The following KIF27 variants were observed in gnomAD, a reference collection of about 807,000 sequenced individuals.
KIF27 encodes kinesin family member 27.
In KIF27, 84 loss-of-function variants were observed where a neutral mutation model predicts 141.8. The observed-to-expected ratio is 0.59, with a 90% CI of 0.50 to 0.71. KIF27 has a LOEUF of 0.71. Among genes scored for constraint, KIF27 ranks in the 30% least tolerant of loss-of-function variants. The probability of loss-of-function intolerance (pLI) is 0.00; values close to 1 mark genes in which losing one functional copy is unlikely to be tolerated. For synonymous variants in KIF27, 471 were observed against 569.5 expected (o/e 0.83, Z 2.46); for missense variants, 1,306 against 1,628.4 (o/e 0.80, Z 3.41).
Position 83,848,176 on chromosome 9 carries a change from A to G in KIF27, c.3556+1923T>C, listed in dbSNP as rs1394372629. Among the ~76,000 whole-genome samples the G allele has an allele frequency of 2.9e-5, 2 of 69,088 alleles. 1 individual carries two copies. The highest frequency in any genetic ancestry group is 1.5e-4 in the African/African-American group (2 of 13,234). The allele number at this position is 69,088 out of a possible 152,430, so 45.3% of individuals were successfully genotyped here. A position where few individuals can be genotyped will look rare whatever the true frequency, so the allele number is the denominator to read the frequency against. ...ATATCATATATGATATATCTGATAT[A>G]TCATATATGATATATATGATATATC... is the stretch of plus-strand genomic sequence containing the variant. On this transcript the variant is annotated intron_variant, in intron 16 of 17. Coordinates refer to ENST00000297814, the MANE Select transcript of KIF27 (RefSeq NM_017576.4).
rs554718760 is a variant in KIF27, at chr9:83,857,949, G to A, written c.3150+1207C>T. Among the ~76,000 whole-genome samples, 3 of 147,466 alleles carry A rather than the reference G, an allele frequency of 2.0e-5. No homozygotes were observed. In the South Asian group the frequency reaches 6.5e-4, roughly 32 times the overall value. On this transcript the variant is annotated intron_variant, in intron 14 of 17. Transcript: ENST00000297814. ...CAAATAGAGTATTAATTTCTCAAGGGAAACATAATACTTTGGGTTTTTTTT... is the reference window on the plus strand; with the variant it reads ...CAAATAGAGTATTAATTTCTCAAGGAAAACATAATACTTTGGGTTTTTTTT...
At chr9:83,888,816 CAAAA>C (rs35585822) in intron 7 of KIF27, among the ~76,000 whole-genome samples, 2 of 83,846 alleles carry the variant, frequency 2.4e-5, no homozygotes, top group African/African-American at 4.6e-5. Flanking sequence ...TAAGGAAATC[CAAAA>C]AAAAAAAAAA....
At chr9:83,856,106 T>C (rs1240972996) in intron 14 of KIF27, among the ~76,000 whole-genome samples, 3 of 152,160 alleles carry the variant, frequency 2.0e-5, no homozygotes, top group Admixed American at 6.5e-5. Flanking sequence ...TGCTTTATGA[T>C]AGAGCACTGC....
chr9:83,874,331 C>A (rs1358094096), intron 11 of KIF27, among the ~76,000 whole-genome samples: 1 of 152,152 alleles, frequency 6.6e-6, no homozygotes, highest in East Asian at 1.9e-4. Context: ...ATTCTCATAT[C>A]TTTTCTTCAA....
intron 15 of KIF27, 106 bp from the exon 16 acceptor site, chr9:83,850,403 G>A (rs1043467708): frequency 2.9e-6 from 2 of 695,162 alleles, no homozygotes; most frequent in Non-Finnish European, 4.9e-6. Flanking sequence ...TCTCCATAGT[G>A]TAAATGATTC....
intron 10 of KIF27, among the ~76,000 whole-genome samples, chr9:83,880,751 G>A (rs192301158): frequency 2.2e-4 from 33 of 152,294 alleles, no homozygotes; most frequent in Non-Finnish European, 4.1e-4. Context: ...AAATGAAACA[G>A]ATGATTTGCT....
At chr9:83,844,347 G>GATATCT (rs201626105) in intron 16 of KIF27, among the ~76,000 whole-genome samples, 169 of 149,876 alleles carry the variant, frequency 1.1e-3, no homozygotes, top group Admixed American at 2.7e-3. Context: ...TATTTATATA[G>GATATCT]ATATCTATAT....
chr9:83,855,338 T>C (rs530896166), intron 14 of KIF27, among the ~76,000 whole-genome samples: 29 of 152,246 alleles, frequency 1.9e-4, no homozygotes, highest in African/African-American at 5.3e-4. Context: ...GCCTGGCCAA[T>C]AGTGTGAATA....
Position 83,867,684 on chromosome 9 carries a change from C to G in KIF27, c.2934G>C (p.Gln978His). ...TCAAGTAGTGTATTAAACAGAATACCTGACTAGATCTCAATTTCTTATTTT... is the reference window on the plus strand; with the variant it reads ...TCAAGTAGTGTATTAAACAGAATACGTGACTAGATCTCAATTTCTTATTTT... ...HLENKKLRSS[Q>H]ALNTDSLKIS... Residue 978 changes from glutamine to histidine, a missense_variant and splice_region_variant, in exon 13 of 18, where the codon CAG becomes CAC. Gln to His is a conservative substitution (Grantham distance 24). This residue lies in a region of KIF27 where 596 missense variants were observed against 751.6 expected (regional missense o/e 0.79). Coordinates refer to ENST00000297814, the MANE Select transcript of KIF27 (RefSeq NM_017576.4). The G allele has an allele frequency of 6.2e-7, 1 of 1,602,154 alleles. No individual in the cohort carries two copies. Among genetic ancestry groups the G allele is most frequent in the South Asian group, 1.1e-5 (1 of 88,562 alleles).
intron 11 of KIF27, among the ~76,000 whole-genome samples, chr9:83,877,343 C>T (rs921100269): frequency 6.6e-6 from 1 of 152,130 alleles, no homozygotes; most frequent in African/African-American, 2.4e-5. Context: ...CCCGTTTCCC[C>T]ATCAGCATTT....
At chr9:83,917,946 A>G (rs1955858113) in intron 1 of KIF27, among the ~76,000 whole-genome samples, 1 of 152,238 alleles carries the variant, frequency 6.6e-6, no homozygotes, top group Non-Finnish European at 1.5e-5. Flanking sequence ...TGAACATTAT[A>G]CATTGTATAC....
At position 83,895,095 on chromosome 9, in the gene KIF27, C is replaced by CAA. The variant is rs757270382; in HGVS notation, c.1603-3596_1603-3595dup. Among the ~76,000 whole-genome samples, 846 of 108,308 alleles carry CAA rather than the reference C, an allele frequency of 7.8e-3. 9 individuals carry two copies. The highest frequency in any genetic ancestry group is 0.027 in the African/African-American group (809 of 30,396). The allele number at this position is 108,308 out of a possible 152,430, so 71.1% of individuals were successfully genotyped here. Reference sequence around the variant, plus strand: ...TGAAACCCCGTCTCCACTAAAAATGCAAAAAAAAAAAAAAAAATTAGCCAG... The same window carrying CAA: ...TGAAACCCCGTCTCCACTAAAAATGCAAAAAAAAAAAAAAAAAAATTAGCCAG... On this transcript the variant is annotated intron_variant, in intron 5 of 17. Coordinates refer to ENST00000297814, the MANE Select transcript of KIF27 (RefSeq NM_017576.4).
intron 11 of KIF27, among the ~76,000 whole-genome samples, chr9:83,875,457 GGTTGGA>G (rs1265469418): frequency 6.6e-6 from 1 of 152,156 alleles, no homozygotes; most frequent in Non-Finnish European, 1.5e-5. Context: ...CTAGGGAAGA[GGTTGGA>G]GCTCAAAGAA....
chr9:83,858,888 A>T lies in KIF27; in HGVS notation c.3150+268T>A, dbSNP rs1949563686. On this transcript the variant is annotated intron_variant, in intron 14 of 17. Coordinates refer to ENST00000297814, the MANE Select transcript of KIF27 (RefSeq NM_017576.4). ...GACGAGAAACCCCAGCTGAGGAGGC[A>T]AATATACTCAAGGAAAGTAATAGTT... 25 of 456,436 alleles carry T rather than the reference A, an allele frequency of 5.5e-5. 1 individual carries two copies. The South Asian group carries it at 6.9e-4, about 13-fold the overall frequency. 28.3% of individuals were successfully genotyped at this position (456,436 alleles called of 1,614,324 possible). A position where few individuals can be genotyped will look rare whatever the true frequency, so the allele number is the denominator to read the frequency against.
At chr9:83,853,976 C>T (rs972716016) in intron 14 of KIF27, 141 bp from the exon 15 acceptor site, 14 of 641,628 alleles carry the variant, frequency 2.2e-5, no homozygotes, top group Non-Finnish European at 3.2e-5. Context: ...TTTTTGAGCG[C>T]TTGCTATGCC....
At chr9:83,850,596 C>G (rs1283183612) in intron 15 of KIF27, among the ~76,000 whole-genome samples, 1 of 151,714 alleles carries the variant, frequency 6.6e-6, no homozygotes, top group Non-Finnish European at 1.5e-5. Context: ...ACCTGACCAA[C>G]ATAGTAAAAC....
At chr9:83,904,889 A>G (rs574895656) in intron 3 of KIF27, among the ~76,000 whole-genome samples, 1 of 151,822 alleles carries the variant, frequency 6.6e-6, no homozygotes, top group South Asian at 2.1e-4. Context: ...TCATTTTAAA[A>G]ATAGGTATGG....
chr9:83,904,233 T>C (rs542148305), intron 3 of KIF27, among the ~76,000 whole-genome samples: 26 of 152,358 alleles, frequency 1.7e-4, no homozygotes, highest in African/African-American at 6.3e-4. Context: ...ATTTTGATGT[T>C]TATATTCTAA....
rs138037168 is a variant in KIF27, at chr9:83,844,582, G to C, written c.3557-2181C>G. On this transcript the variant is annotated intron_variant, in intron 16 of 17. Transcript: ENST00000297814. ...ACACTGATAGTCCTTGACATGAACT[G>C]TTTACAGAATTATGCAAAATAAATG... Among the ~76,000 whole-genome samples the C allele has an allele frequency of 2.5e-3, 386 of 152,246 alleles. 2 individuals are homozygous for C. The highest frequency in any genetic ancestry group is 9.0e-3 in the African/African-American group (376 of 41,554).
Sources: allele counts gnomAD v4.1 joint callset (sites outside exome capture counted in the v4.1 genomes callset), GRCh38; gene constraint gnomAD v4.1.1; regional missense constraint gnomAD v4.1.1; transcripts MANE v1.5; gene names NCBI Gene and HGNC (gene_info 2026-07-23, HGNC 2026-07-21).